The following CPT1A variants were observed in gnomAD, a reference collection of about 807,000 sequenced individuals.
The protein encoded by CPT1A is carnitine palmitoyltransferase 1A, also known as carnitine O-palmitoyltransferase 1, liver isoform.
CPT1A carries 64 observed loss-of-function variants against 100.8 expected under a neutral mutation model. The ratio of observed to expected loss-of-function variants is 0.63; its 90% CI spans 0.52 to 0.78. The LOEUF (loss-of-function observed/expected upper bound fraction) is 0.78, where lower values mean the gene tolerates loss of function less well. Among genes scored for constraint, CPT1A ranks in the 30% least tolerant of loss-of-function variants. The pLI, the probability that CPT1A is intolerant of heterozygous loss-of-function variation, is 0.00. For missense variants in CPT1A, 802 were observed against 1,034.1 expected (o/e 0.78, Z 3.08); for synonymous variants, 363 against 396.0 (o/e 0.92, Z 0.99).
intron 1 of CPT1A, among the ~76,000 whole-genome samples, chr11:68,827,647 G>T (rs1240759550): frequency 6.6e-6 from 1 of 151,738 alleles, no homozygotes; most frequent in African/African-American, 2.4e-5. Flanking sequence ...CTCCCAAGCT[G>T]CTGAGATTAC....
rs59083115 is a variant in CPT1A at position 68,801,130 on chromosome 11, A to T, written c.556-1775T>A. ...TCTCCAAAAAAAAGGGGGAGGGGGC[A>T]GGTGTCAAGCATCTTGAGGCTTATT... On this transcript the variant is annotated intron_variant, in intron 5 of 18. Transcript: ENST00000265641. Among the ~76,000 whole-genome samples the T allele has an allele frequency of 8.6e-3, 1,311 of 152,258 alleles. 10 individuals carry two copies. The highest frequency in any genetic ancestry group is 0.03 in the African/African-American group (1,258 of 41,538).
At chr11:68,793,069 A>C (rs76040684) in intron 9 of CPT1A, among the ~76,000 whole-genome samples, 4 of 112,728 alleles carry the variant, frequency 3.5e-5, no homozygotes, top group South Asian at 2.9e-4. Flanking sequence ...ATAAATAAAT[A>C]AATCAAACAC....
chr11:68,818,052 G>C (rs1856482371), intron 1 of CPT1A, among the ~76,000 whole-genome samples: 1 of 152,128 alleles, frequency 6.6e-6, no homozygotes. Context: ...CTTTTCTAAA[G>C]ACCACTCTGG....
intron 18 of CPT1A, 116 bp from the exon 19 acceptor site, chr11:68,757,846 T>C (rs1207937960): frequency 1.1e-6 from 1 of 886,072 alleles, no homozygotes. Flanking sequence ...CTGCCAGTTC[T>C]CTAAGATCTG....
chr11:68,754,841 C>T, downstream of CPT1A: 1 of 781,088 alleles, frequency 1.3e-6, no homozygotes. Context: ...TGGTCCTTGA[C>T]TTATAATCCC....
chr11:68,831,276 T>C (rs1856870961), intron 1 of CPT1A, among the ~76,000 whole-genome samples: 1 of 152,134 alleles, frequency 6.6e-6, no homozygotes, highest in East Asian at 1.9e-4. Flanking sequence ...TCCCCACTCC[T>C]GCACCCCCAG....
chr11:68,776,469 A>T (rs1451715568), intron 12 of CPT1A, among the ~76,000 whole-genome samples: 1 of 152,246 alleles, frequency 6.6e-6, no homozygotes, highest in Non-Finnish European at 1.5e-5. Context: ...ATATTGTATG[A>T]TTCTATCTAT....
At chr11:68,837,800 T>C (rs1205753475) in intron 1 of CPT1A, among the ~76,000 whole-genome samples, 1 of 151,950 alleles carries the variant, frequency 6.6e-6, no homozygotes, top group Non-Finnish European at 1.5e-5. Flanking sequence ...CACTCCAGCC[T>C]GGACAACAGA....
intron 3 of CPT1A, among the ~76,000 whole-genome samples, chr11:68,809,712 G>A (rs778818000): frequency 2.6e-5 from 4 of 152,196 alleles, no homozygotes; most frequent in Non-Finnish European, 5.9e-5. Context: ...GAAGACGTTG[G>A]CCCTTAACCC....
At chr11:68,812,351 G>T in intron 3 of CPT1A, 86 bp downstream of exon 3, 1 of 1,537,252 alleles carries the variant, frequency 6.5e-7, no homozygotes. Flanking sequence ...CCAGAACAGT[G>T]ACAATCATCA....
At chr11:68,761,428 T>A (rs1012602520) in intron 16 of CPT1A, 107 bp downstream of exon 16, 5 of 1,341,694 alleles carry the variant, frequency 3.7e-6, no homozygotes, top group Non-Finnish European at 5.3e-6. Flanking sequence ...GACCCGTTTT[T>A]TTCAAATGCC....
chr11:68,786,780 C>G (rs879499738), intron 9 of CPT1A, among the ~76,000 whole-genome samples: 1 of 152,162 alleles, frequency 6.6e-6, no homozygotes, highest in African/African-American at 2.4e-5. Context: ...CCACCCGCCT[C>G]GGCCTCCCAA....
intron 9 of CPT1A, chr11:68,785,647 C>A: frequency 6.0e-6 from 1 of 166,058 alleles, no homozygotes; most frequent in Non-Finnish European, 1.3e-5. Flanking sequence ...CCTCCCTAAG[C>A]CTCTCCTCAG....
At chr11:68,823,526 C>T (rs1368296992) in intron 1 of CPT1A, among the ~76,000 whole-genome samples, 15 of 151,918 alleles carry the variant, frequency 9.9e-5, no homozygotes, top group African/African-American at 3.1e-4. Flanking sequence ...CGGTGGTTCA[C>T]GCCTGTAATC....
At chr11:68,773,605 C>A (rs995860857) in intron 13 of CPT1A, 176 bp from the exon 14 acceptor site, 77 of 1,152,370 alleles carry the variant, frequency 6.7e-5, no homozygotes, top group Non-Finnish European at 8.5e-5. Flanking sequence ...TCCCTGACCC[C>A]GGAGGAGCAG....
intron 3 of CPT1A, 65 bp from the exon 4 acceptor site, chr11:68,807,703 G>A (rs1231312333): frequency 2.0e-6 from 3 of 1,530,690 alleles, no homozygotes; most frequent in South Asian, 1.1e-5. Flanking sequence ...CAACACCACC[G>A]GTGACGCCAC....
At position 68,755,106 on chromosome 11, in the gene CPT1A, C is replaced by T; in HGVS notation, c.*2538G>A. 2.1e-6 allele frequency: 1 copy of T among 471,896 alleles called. No individual in the cohort carries two copies. The highest frequency in any genetic ancestry group is 3.4e-5 in the South Asian group (1 of 29,270). 29.2% of individuals were successfully genotyped at this position (471,896 alleles called of 1,614,324 possible). On this transcript the variant is annotated 3_prime_UTR_variant, in exon 19 of 19. Coordinates refer to ENST00000265641, the MANE Select transcript of CPT1A (RefSeq NM_001876.4). ...ATGTACAATAAGACCCCTCTTTCTCCCCTCAAGGAATATAAAATTGCATTG... is the reference window on the plus strand; with the variant it reads ...ATGTACAATAAGACCCCTCTTTCTCTCCTCAAGGAATATAAAATTGCATTG...
chr11:68,760,204 G>A lies in CPT1A; in HGVS notation c.2142+21C>T, dbSNP rs555822388. 71 of 1,565,882 alleles carry A rather than the reference G, an allele frequency of 4.5e-5. 1 individual carries two copies. The South Asian group carries it at 6.5e-4, about 14-fold the overall frequency. On this transcript the variant is annotated intron_variant, in intron 17 of 18. Coordinates refer to ENST00000265641, the MANE Select transcript of CPT1A (RefSeq NM_001876.4). ...CCATCACCACGCCCCACTGCGCCTCGCCCAGCCCCGCCGCACTCACCGGTC... is the reference window on the plus strand; with the variant it reads ...CCATCACCACGCCCCACTGCGCCTCACCCAGCCCCGCCGCACTCACCGGTC...
At chr11:68,821,507 C>G (rs1299573922) in intron 1 of CPT1A, among the ~76,000 whole-genome samples, 1 of 152,100 alleles carries the variant, frequency 6.6e-6, no homozygotes, top group African/African-American at 2.4e-5. Flanking sequence ...CCAGGCTGGT[C>G]TCAAACTCCT....
Sources: gnomAD v4.1 joint callset for allele counts (sites outside exome capture counted in the v4.1 genomes callset) on GRCh38, gnomAD v4.1.1 for gene constraint, MANE v1.5 for transcripts, NCBI Gene and HGNC (gene_info 2026-07-23, HGNC 2026-07-21) for gene names.